The following ABLIM2 variants were observed in gnomAD, a reference collection of about 807,000 sequenced individuals.
ABLIM2 encodes the protein actin-binding LIM protein 2.
Under a neutral mutation model 97.7 loss-of-function variants are expected in ABLIM2, and 53 were observed. That is an observed-to-expected ratio of 0.54 (90% CI 0.44 to 0.68). ABLIM2 has a LOEUF of 0.68. Ranked by LOEUF, ABLIM2 falls within the 30% of genes least tolerant of loss-of-function variation. The pLI is 0.00. For missense variants in ABLIM2, 835 were observed against 867.2 expected (o/e 0.96, Z 0.47); for synonymous variants, 361 against 345.8 (o/e 1.04, Z -0.49).
intron 3 of ABLIM2, among the ~76,000 whole-genome samples, chr4:8,091,807 ATATAT>A (rs1453585382): frequency 5.8e-5 from 5 of 86,432 alleles, no homozygotes; most frequent in African/African-American, 2.5e-4. Flanking sequence ...TTAATATATT[ATATAT>A]TATATAATAT....
At chr4:8,038,517 G>A (rs1361086932) in intron 9 of ABLIM2, among the ~76,000 whole-genome samples, 1 of 152,116 alleles carries the variant, frequency 6.6e-6, no homozygotes, top group Non-Finnish European at 1.5e-5. Context: ...CATGTCCCCA[G>A]GTGTGCCAGG....
chr4:8,081,999 G>A (rs999554842), intron 4 of ABLIM2, among the ~76,000 whole-genome samples: 2 of 152,210 alleles, frequency 1.3e-5, no homozygotes, highest in African/African-American at 2.4e-5. Flanking sequence ...ATGTCTGCAC[G>A]TGAGAGTGTG....
chr4:8,102,667 AATC>A (rs1176576492), intron 2 of ABLIM2, among the ~76,000 whole-genome samples: 1 of 152,212 alleles, frequency 6.6e-6, no homozygotes, highest in Non-Finnish European at 1.5e-5. Context: ...ACAAGAGGAT[AATC>A]ATATGATTTC....
intron 1 of ABLIM2, among the ~76,000 whole-genome samples, chr4:8,152,295 C>G (rs747345463): frequency 6.6e-6 from 1 of 152,230 alleles, no homozygotes; most frequent in Non-Finnish European, 1.5e-5. Context: ...GTCGGGCACA[C>G]TGGGGTTCAA....
intron 1 of ABLIM2, among the ~76,000 whole-genome samples, chr4:8,126,172 T>C (rs2152913539): frequency 6.6e-6 from 1 of 152,258 alleles, no homozygotes; most frequent in East Asian, 1.9e-4. Flanking sequence ...GGGGGGGCTA[T>C]GGACAAGAGT....
rs1181984117 is a variant in ABLIM2 at position 8,033,436 on chromosome 4, A to G, written c.1047+2713T>C. On this transcript the variant is annotated intron_variant, in intron 10 of 20. Coordinates refer to ENST00000447017, the MANE Select transcript of ABLIM2 (RefSeq NM_001130083.2). The surrounding 1 kb of genome is among the most constrained non-coding windows in gnomAD (Gnocchi z 4.5). ...GTGGGAAGCTGAAGGCCATGGGTGG[A>G]ATGATGGAATCAAGGGAGAAACCCT... is the stretch of plus-strand genomic sequence containing the variant. 6.6e-6 allele frequency among the ~76,000 whole-genome samples: 1 copy of G among 152,184 alleles called. No homozygotes were observed. The highest frequency in any genetic ancestry group is 1.5e-5 in the Non-Finnish European group (1 of 68,026).
intron 12 of ABLIM2, among the ~76,000 whole-genome samples, chr4:8,027,311 G>C (rs1778049058): frequency 6.6e-6 from 1 of 152,206 alleles, no homozygotes; most frequent in Non-Finnish European, 1.5e-5. Context: ...GCCACACTGG[G>C]TGTGAACCCT....
At position 8,150,231 on chromosome 4, in the gene ABLIM2, G is replaced by T. The variant is rs1025604105; in HGVS notation, c.10+8449C>A. 2.6e-5 allele frequency among the ~76,000 whole-genome samples: 4 copies of T among 152,192 alleles called. No individual in the cohort carries two copies. The highest frequency in any genetic ancestry group is 9.7e-5 in the African/African-American group (4 of 41,440). Reference sequence around the variant, plus strand: ...GTCATTTTCCATGTGCGATCCCGGGGACACTGAGGTCTGCAGAAGCAGAGG... The same window carrying T: ...GTCATTTTCCATGTGCGATCCCGGGTACACTGAGGTCTGCAGAAGCAGAGG... On this transcript the variant is annotated intron_variant, in intron 1 of 20. Transcript: ENST00000447017. This position sits in a 1 kb window ranked among gnomAD's most constrained non-coding sequence, Gnocchi z 6.3.
At position 8,113,597 on chromosome 4, in the gene ABLIM2, C is replaced by G. The variant is rs1057065838; in HGVS notation, c.11-6960G>C. On this transcript the variant is annotated intron_variant, in intron 1 of 20. Transcript: ENST00000447017. This position sits in a 1 kb window ranked among gnomAD's most constrained non-coding sequence, Gnocchi z 4.5. The stretch of plus-strand genomic sequence containing the variant: ...CCACCTTGAGAATGGGCAGGGGACC[C>G]CCTTGTGTACTCACACAGGGGAAAA... Among the ~76,000 whole-genome samples the G allele has an allele frequency of 6.6e-6, 1 of 152,160 alleles. No individual in the cohort carries two copies. The highest frequency in any genetic ancestry group is 1.5e-5 in the Non-Finnish European group (1 of 68,034).
chr4:7,983,193 C>G (rs919757119), intron 20 of ABLIM2, 71 bp downstream of exon 20: 3 of 1,502,092 alleles, frequency 2.0e-6, no homozygotes, highest in African/African-American at 1.4e-5. Context: ...GACCTTGACA[C>G]CACGGAGGAG....
chr4:8,101,211 C>G (rs1035829254), intron 2 of ABLIM2, among the ~76,000 whole-genome samples: 1 of 152,252 alleles, frequency 6.6e-6, no homozygotes, highest in Non-Finnish European at 1.5e-5. Context: ...CCGGGCATCG[C>G]AGCTCCGAGT....
At chr4:7,967,779 T>C (rs576492201) in intron 20 of ABLIM2, among the ~76,000 whole-genome samples, 3 of 152,342 alleles carry the variant, frequency 2.0e-5, no homozygotes, top group Middle Eastern at 3.4e-3. Flanking sequence ...GGAGCCTCAG[T>C]CTGCTCATCT....
rs16841847 is a variant in ABLIM2 at position 8,140,628 on chromosome 4, A to G, written c.10+18052T>C. Reference sequence around the variant, plus strand: ...TACCGTTACTCCCATGGCCACTGCTACTGATGATGGAAGCAATGATGATAA... The same window carrying G: ...TACCGTTACTCCCATGGCCACTGCTGCTGATGATGGAAGCAATGATGATAA... On this transcript the variant is annotated intron_variant, in intron 1 of 20. Coordinates refer to ENST00000447017, the MANE Select transcript of ABLIM2 (RefSeq NM_001130083.2). The surrounding 1 kb of genome is among the most constrained non-coding windows in gnomAD (Gnocchi z 5.9). Among the ~76,000 whole-genome samples the G allele has an allele frequency of 0.26, 39,999 of 151,928 alleles. 6,930 individuals carry two copies. Among genetic ancestry groups the G allele is most frequent in the African/African-American group, 0.5 (20,633 of 41,318 alleles).
rs578219020 is a variant in ABLIM2 at position 7,986,447 on chromosome 4, G to A, written c.1681-1554C>T. ...CACGAGTGGGGTAAGCACCCAGGCA[G>A]AGGACTGGAACTGGTCTCTATTTAC... On this transcript the variant is annotated intron_variant, in intron 17 of 20. Transcript: ENST00000447017. The surrounding 1 kb of genome is among the most constrained non-coding windows in gnomAD (Gnocchi z 4.3). 3.3e-5 allele frequency among the ~76,000 whole-genome samples: 5 copies of A among 152,346 alleles called. No homozygotes were observed. The East Asian group carries it at 5.8e-4, about 18-fold the overall frequency.
intron 5 of ABLIM2, among the ~76,000 whole-genome samples, chr4:8,078,503 G>A (rs1188287450): frequency 1.3e-5 from 2 of 152,252 alleles, no homozygotes. Flanking sequence ...CCCTGGCACA[G>A]CTCCTGAGCT....
chr4:8,045,276 T>C (rs1317365071), intron 8 of ABLIM2, 35 bp from the exon 9 acceptor site: 11 of 1,584,190 alleles, frequency 6.9e-6, no homozygotes, highest in Admixed American at 3.3e-5. Flanking sequence ...TGAAGGCAGG[T>C]ACCAACATTC....
At position 8,095,439 on chromosome 4, in the gene ABLIM2, A is replaced by G. The variant is rs2152634185; in HGVS notation, c.338+1660T>C. 1.3e-5 allele frequency among the ~76,000 whole-genome samples: 2 copies of G among 152,312 alleles called. No individual in the cohort carries two copies. Among genetic ancestry groups the G allele is most frequent in the South Asian group, 4.1e-4 (2 of 4,820 alleles). ...AGTTTTGATTGGACACTGAACACTT[A>G]TAAATTTTACGTTGTTGAATGCTGG... On this transcript the variant is annotated intron_variant, in intron 3 of 20. Coordinates refer to ENST00000447017, the MANE Select transcript of ABLIM2 (RefSeq NM_001130083.2). This position sits in a 1 kb window ranked among gnomAD's most constrained non-coding sequence, Gnocchi z 4.7.
At chr4:8,106,401 A>G (rs1040730857) in intron 2 of ABLIM2, 93 bp downstream of exon 2, 2 of 1,514,492 alleles carry the variant, frequency 1.3e-6, no homozygotes, top group Admixed American at 2.0e-5. Flanking sequence ...TCCCAGGCCC[A>G]GGCAGAGCTT....
At chr4:7,985,023 G>A in intron 17 of ABLIM2, 130 bp from the exon 18 acceptor site, 1 of 882,442 alleles carries the variant, frequency 1.1e-6, no homozygotes, top group Admixed American at 2.3e-5. Context: ...GGTGTCCTTA[G>A]CACAGCAGTG....
Sources: gnomAD v4.1 joint callset for allele counts (sites outside exome capture counted in the v4.1 genomes callset) on GRCh38, gnomAD v4.1.1 for gene constraint, Gnocchi (gnomAD v3.1) non-coding constraint, MANE v1.5 for transcripts, NCBI Gene and HGNC (gene_info 2026-07-23, HGNC 2026-07-21) for gene names.